The following PCBP3 variants were observed in gnomAD, a reference collection of about 807,000 sequenced individuals.
PCBP3 encodes the protein poly(rC) binding protein 3.
Under a neutral mutation model 52.7 loss-of-function variants are expected in PCBP3, and 25 were observed. The observed-to-expected ratio is 0.47, with a 90% CI of 0.35 to 0.66. The LOEUF is 0.66. PCBP3 is among the 30% of genes least tolerant of loss of function. The pLI, the probability that PCBP3 is intolerant of heterozygous loss-of-function variation, is 0.01. For synonymous variants in PCBP3, 162 were observed against 183.0 expected, an observed-to-expected ratio of 0.89 and a Z score of 0.93; for missense variants, 391 against 490.3, an observed-to-expected ratio of 0.80 and a Z score of 1.91.
chr21:45,941,486 C>T (rs1426499937), intron 17 of PCBP3, among the ~76,000 whole-genome samples, 184 bp from the exon 18 acceptor site: 1 of 152,122 alleles, frequency 6.6e-6, no homozygotes, highest in Non-Finnish European at 1.5e-5. Flanking sequence ...ATGGGCATGG[C>T]GGGGACCAGG....
rs8131267 is a variant in PCBP3, at chr21:45,826,155, G to A, written c.-125-23806G>A. Among the ~76,000 whole-genome samples, 352 of 152,234 alleles carry A rather than the reference G, an allele frequency of 2.3e-3. 6 individuals are homozygous for A. The highest frequency in any genetic ancestry group is 7.9e-3 in the African/African-American group (327 of 41,536). On this transcript the variant is annotated intron_variant, in intron 4 of 17. Coordinates refer to ENST00000681687, the MANE Select transcript of PCBP3 (RefSeq NM_001384156.1). ...TGCCTGTAATCCCAGCTACTCGGGAGGCTGAGGCAGGAGAACTGCTGGAAC... is the reference window on the plus strand; with the variant it reads ...TGCCTGTAATCCCAGCTACTCGGGAAGCTGAGGCAGGAGAACTGCTGGAAC...
intron 6 of PCBP3, among the ~76,000 whole-genome samples, chr21:45,897,126 A>G (rs1265623182): frequency 6.6e-6 from 1 of 152,250 alleles, no homozygotes. Flanking sequence ...TCAAACTTAC[A>G]AGGCAGTTAT....
At chr21:45,678,038 C>G (rs1324603109) in intron 2 of PCBP3, among the ~76,000 whole-genome samples, 4 of 152,120 alleles carry the variant, frequency 2.6e-5, no homozygotes, top group African/African-American at 9.7e-5. Context: ...TCAAGTGTTA[C>G]TACTTAAGAA....
intron 2 of PCBP3, among the ~76,000 whole-genome samples, chr21:45,697,219 A>G (rs1254374894): frequency 5.3e-5 from 8 of 152,236 alleles, no homozygotes; most frequent in Non-Finnish European, 1.2e-4. Context: ...CCTAATAGTG[A>G]AACACTGGAA....
intron 2 of PCBP3, among the ~76,000 whole-genome samples, chr21:45,699,865 C>T (rs1766476009): frequency 6.6e-6 from 1 of 152,200 alleles, no homozygotes. Flanking sequence ...TCGGGACCTA[C>T]AATTCAAGAT....
At chr21:45,908,289 T>C (rs1004756388) in intron 9 of PCBP3, among the ~76,000 whole-genome samples, 1 of 152,102 alleles carries the variant, frequency 6.6e-6, no homozygotes, top group Non-Finnish European at 1.5e-5. Flanking sequence ...GGGAATTTAG[T>C]GTCCGTGCCT....
chr21:45,789,009 C>G (rs915257614), intron 4 of PCBP3, among the ~76,000 whole-genome samples: 7 of 152,340 alleles, frequency 4.6e-5, no homozygotes, highest in South Asian at 2.1e-4. Flanking sequence ...AATACATGCT[C>G]TGTGCCCTGC....
intron 4 of PCBP3, among the ~76,000 whole-genome samples, 162 bp from the exon 5 acceptor site, chr21:45,849,799 T>G (rs2093923788): frequency 6.6e-6 from 1 of 152,108 alleles, no homozygotes; most frequent in African/African-American, 2.4e-5. Context: ...GGGGAGCGCT[T>G]GCTGGCACTC....
rs969044966 is a variant in PCBP3 at position 45,805,414 on chromosome 21, G to T, written c.-125-44547G>T. On this transcript the variant is annotated intron_variant, in intron 4 of 17. Transcript: ENST00000681687. The surrounding 1 kb of genome is among the most constrained non-coding windows in gnomAD (Gnocchi z 4.6). Reference sequence around the variant, plus strand: ...GCCCACCTGCCCTGTGTGCTGGGCCGTGCGGAGGTGGCCATGGGCAGCCCT... The same window carrying T: ...GCCCACCTGCCCTGTGTGCTGGGCCTTGCGGAGGTGGCCATGGGCAGCCCT... 1.3e-5 allele frequency among the ~76,000 whole-genome samples: 2 copies of T among 152,068 alleles called. No individual in the cohort carries two copies. The highest frequency in any genetic ancestry group is 2.9e-5 in the Non-Finnish European group (2 of 68,004).
At chr21:45,812,391 A>G (rs1192622967) in intron 4 of PCBP3, among the ~76,000 whole-genome samples, 1 of 151,830 alleles carries the variant, frequency 6.6e-6, no homozygotes, top group East Asian at 1.9e-4. Flanking sequence ...CAGTCTGAAA[A>G]TTTTCCCTTA....
intron 2 of PCBP3, among the ~76,000 whole-genome samples, chr21:45,717,444 A>G (rs886256954): frequency 2.0e-5 from 3 of 152,144 alleles, no homozygotes; most frequent in African/African-American, 7.2e-5. Context: ...ATCTTTTACT[A>G]TTGTTCATGA....
chr21:45,781,273 A>G (rs971999972), intron 4 of PCBP3, among the ~76,000 whole-genome samples: 7 of 152,234 alleles, frequency 4.6e-5, no homozygotes, highest in African/African-American at 1.7e-4. Flanking sequence ...TTTGCAAATC[A>G]CATATCTAAT....
chr21:45,729,058 A>G (rs1190840078), intron 2 of PCBP3, among the ~76,000 whole-genome samples: 1 of 152,230 alleles, frequency 6.6e-6, no homozygotes, highest in Non-Finnish European at 1.5e-5. Flanking sequence ...CCACCCATTA[A>G]GTAATCACTC....
intron 1 of PCBP3, among the ~76,000 whole-genome samples, chr21:45,651,615 C>G (rs1282282085): frequency 6.6e-6 from 1 of 151,946 alleles, no homozygotes; most frequent in Non-Finnish European, 1.5e-5. Context: ...AAAGAGTGTC[C>G]CAGTTTATTG....
intron 5 of PCBP3, among the ~76,000 whole-genome samples, chr21:45,861,889 CAG>C (rs1243685455): frequency 6.6e-6 from 1 of 152,192 alleles, no homozygotes. Flanking sequence ...AATTTATAAA[CAG>C]AATCAATGTA....
At chr21:45,918,332 CGGTGTA>C (rs2073852667) in intron 13 of PCBP3, 9 of 106,268 alleles carry the variant, frequency 8.5e-5, no homozygotes, top group Middle Eastern at 4.5e-3. Flanking sequence ...GATAAACGGT[CGGTGTA>C]ATTCCAGTGC....
intron 4 of PCBP3, among the ~76,000 whole-genome samples, chr21:45,770,440 G>A (rs1310231945): frequency 1.3e-5 from 2 of 151,972 alleles, no homozygotes; most frequent in African/African-American, 2.4e-5. Context: ...GTTTCTTTTT[G>A]TGCATATTTC....
At chr21:45,752,144 T>C (rs1490651103) in intron 3 of PCBP3, among the ~76,000 whole-genome samples, 3 of 152,132 alleles carry the variant, frequency 2.0e-5, no homozygotes, top group African/African-American at 7.2e-5. Context: ...AAATTTATCT[T>C]TTATCTAGAT....
intron 1 of PCBP3, among the ~76,000 whole-genome samples, chr21:45,664,738 G>C (rs2080670466): frequency 6.7e-6 from 1 of 149,454 alleles, no homozygotes; most frequent in Non-Finnish European, 1.5e-5. Context: ...CTAGCATTAG[G>C]TATATCTCCC....
Sources: allele counts gnomAD v4.1 joint callset (sites outside exome capture counted in the v4.1 genomes callset), GRCh38; gene constraint gnomAD v4.1.1; non-coding constraint Gnocchi (gnomAD v3.1); transcripts MANE v1.5; gene names NCBI Gene and HGNC (gene_info 2026-07-23, HGNC 2026-07-21).